NCOR1: variants seen among roughly 807,000 people sequenced by gnomAD.
NCOR1 encodes nuclear receptor corepressor 1.
In NCOR1, 63 loss-of-function variants were observed where a neutral mutation model predicts 288.1. The observed-to-expected ratio is 0.22, with a 90% CI of 0.18 to 0.27. NCOR1 has a LOEUF of 0.27. Among genes scored for constraint, NCOR1 ranks in the 10% least tolerant of loss-of-function variants. NCOR1 has a pLI of 1.00. For missense variants in NCOR1, 2,397 were observed against 3,019.2 expected (o/e 0.79, Z 4.83); for synonymous variants, 1,007 against 1,065.9 (o/e 0.94, Z 1.08).
chr17:16,127,701 A>G lies in NCOR1; in HGVS notation c.1510-1495T>C, dbSNP rs146941361. On this transcript the variant is annotated intron_variant, in intron 14 of 45. Coordinates refer to ENST00000268712, the MANE Select transcript of NCOR1 (RefSeq NM_006311.4). Reference sequence around the variant, plus strand: ...TGTATGTGTATATATACATATATGTATATATGTGTGTGTATATATACATAT... The same window carrying G: ...TGTATGTGTATATATACATATATGTGTATATGTGTGTGTATATATACATAT... Among the ~76,000 whole-genome samples, 18 of 133,692 alleles carry G rather than the reference A, an allele frequency of 1.3e-4. 1 individual carries two copies. Among genetic ancestry groups the G allele is most frequent in the Admixed American group, 7.7e-4 (10 of 13,052 alleles). The allele number at this position is 133,692 out of a possible 152,430, so 87.7% of individuals were successfully genotyped here.
intron 23 of NCOR1, among the ~76,000 whole-genome samples, chr17:16,083,676 A>G (rs576153771): frequency 1.3e-5 from 2 of 151,140 alleles, no homozygotes; most frequent in South Asian, 4.2e-4. Flanking sequence ...ATAGTTCCCT[A>G]TGCTCGCCTT....
chr17:16,126,003 G>A (rs2073976054), intron 15 of NCOR1, 79 bp downstream of exon 15: 3 of 741,888 alleles, frequency 4.0e-6, no homozygotes, highest in East Asian at 3.1e-5. Context: ...TGTGACAACT[G>A]TACTCCCTAT....
intron 1 of NCOR1, among the ~76,000 whole-genome samples, chr17:16,207,507 C>T (rs1172699728): frequency 2.6e-5 from 4 of 151,944 alleles, no homozygotes; most frequent in East Asian, 1.9e-4. Flanking sequence ...TTTGGGAGGC[C>T]GAGGCAGGCG....
intron 3 of NCOR1, among the ~76,000 whole-genome samples, chr17:16,185,993 A>C (rs2086603882): frequency 6.6e-6 from 1 of 152,174 alleles, no homozygotes; most frequent in Non-Finnish European, 1.5e-5. Flanking sequence ...GAAGTAAAAG[A>C]AAGCAGAGAT....
chr17:16,188,324 T>G (rs1209438735), intron 2 of NCOR1, among the ~76,000 whole-genome samples: 1 of 152,048 alleles, frequency 6.6e-6, no homozygotes, highest in East Asian at 1.9e-4. Flanking sequence ...TTTAAAAAAC[T>G]TTTTCAGCCT....
chr17:16,037,178 C>G (rs763213524), intron 44 of NCOR1, among the ~76,000 whole-genome samples: 8 of 152,092 alleles, frequency 5.3e-5, no homozygotes, highest in Non-Finnish European at 7.4e-5. Context: ...GGACACACAC[C>G]ACCTTTATGG....
At chr17:16,183,677 C>T (rs1342816387) in intron 3 of NCOR1, among the ~76,000 whole-genome samples, 1 of 152,048 alleles carries the variant, frequency 6.6e-6, no homozygotes, top group Admixed American at 6.6e-5. Flanking sequence ...ATATACAGTA[C>T]AGATTCAACA....
intron 3 of NCOR1, among the ~76,000 whole-genome samples, chr17:16,178,836 G>A (rs1724547729): frequency 6.6e-6 from 1 of 152,160 alleles, no homozygotes; most frequent in African/African-American, 2.4e-5. Context: ...TGGGAGTGGT[G>A]GCTCACGCCT....
At position 16,092,021 on chromosome 17, in the gene NCOR1, G is replaced by A. The variant is rs1359076781; in HGVS notation, c.2858C>T (p.Pro953Leu). The A allele has an allele frequency of 6.2e-7, 1 of 1,613,954 alleles. No homozygotes were observed. The highest frequency in any genetic ancestry group is 8.5e-7 in the Non-Finnish European group (1 of 1,180,030). The change falls in exon 22 of 46, where the codon CCA becomes CTA. Residue 953 changes from proline (P) to leucine (L), a missense_variant. Physicochemically the swap from Pro to Leu is moderately conservative, Grantham distance 98. This residue lies in a region of NCOR1 where 1,872 missense variants were observed against 2,187.8 expected (regional missense o/e 0.86). Coordinates refer to ENST00000268712, the MANE Select transcript of NCOR1 (RefSeq NM_006311.4). ...CTGGTAGAGAGCATAGCCGCTCACT[G>A]GGGTTCCAATTGGTATGTTACATGG... ...CTPCNIPIGT[P>L]VSGYALYQRH...
chr17:16,079,630 G>A lies in NCOR1; in HGVS notation c.3501+334C>T, dbSNP rs543140024. On this transcript the variant is annotated intron_variant, in intron 26 of 45. Transcript: ENST00000268712. ...CAGGGCAAAAGTAAGCAAATAATTC[G>A]TAATGATTTTCTTCTCAATTTCTAT... is the stretch of plus-strand genomic sequence containing the variant. Among the ~76,000 whole-genome samples the A allele has an allele frequency of 2.0e-5, 3 of 152,262 alleles. No individual in the cohort carries two copies. The East Asian group carries it at 5.8e-4, about 29-fold the overall frequency.
intron 21 of NCOR1, 90 bp from the exon 22 acceptor site, chr17:16,092,148 G>T: frequency 1.4e-6 from 2 of 1,417,038 alleles, no homozygotes; most frequent in Non-Finnish European, 1.9e-6. Flanking sequence ...TTTCTGTCAT[G>T]TTATTGGTTG....
intron 22 of NCOR1, among the ~76,000 whole-genome samples, chr17:16,088,278 G>T (rs2064573035): frequency 6.6e-6 from 1 of 152,040 alleles, no homozygotes; most frequent in South Asian, 2.1e-4. Context: ...GAGTTTTCTA[G>T]TTGAGAAATC....
At chr17:16,162,187 G>C (rs1330536435) in intron 5 of NCOR1, among the ~76,000 whole-genome samples, 1 of 151,934 alleles carries the variant, frequency 6.6e-6, no homozygotes, top group Non-Finnish European at 1.5e-5. Context: ...AGACAGATTT[G>C]ACAGCAGATT....
intron 21 of NCOR1, among the ~76,000 whole-genome samples, chr17:16,098,114 G>C (rs1419006731): frequency 1.3e-5 from 2 of 152,222 alleles, no homozygotes; most frequent in Non-Finnish European, 2.9e-5. Flanking sequence ...AGGAGGAAGA[G>C]AGGAGTTGTT....
chr17:16,156,747 T>C (rs2079875416), intron 6 of NCOR1, among the ~76,000 whole-genome samples: 1 of 152,068 alleles, frequency 6.6e-6, no homozygotes, highest in African/African-American at 2.4e-5. Flanking sequence ...GTTTTGCTAA[T>C]GTGCACCAAG....
intron 18 of NCOR1, among the ~76,000 whole-genome samples, chr17:16,115,469 C>T (rs1402791424): frequency 6.6e-6 from 1 of 152,198 alleles, no homozygotes; most frequent in African/African-American, 2.4e-5. Context: ...ATTTTCCAAA[C>T]TTTTATGCTC....
chr17:16,178,548 A>G (rs959378215), intron 3 of NCOR1, among the ~76,000 whole-genome samples: 1 of 151,570 alleles, frequency 6.6e-6, no homozygotes, highest in African/African-American at 2.4e-5. Flanking sequence ...AATGAAATAA[A>G]ATAAAAACTC....
intron 9 of NCOR1, among the ~76,000 whole-genome samples, chr17:16,147,930 G>A (rs941930636): frequency 3.9e-5 from 6 of 152,146 alleles, no homozygotes; most frequent in African/African-American, 1.4e-4. Context: ...TTATTCTCCT[G>A]CCTCAGCCTC....
At chr17:16,186,404 T>C (rs2153526458) in intron 3 of NCOR1, 150 bp downstream of exon 3, 1 of 793,822 alleles carries the variant, frequency 1.3e-6, no homozygotes, top group Non-Finnish European at 1.9e-6. Flanking sequence ...TGTTAACTAT[T>C]GCAACCAACC....
Sources: gnomAD v4.1 joint callset for allele counts (sites outside exome capture counted in the v4.1 genomes callset) on GRCh38, gnomAD v4.1.1 for gene constraint, gnomAD v4.1.1 regional missense constraint, MANE v1.5 for transcripts, NCBI Gene and HGNC (gene_info 2026-07-23, HGNC 2026-07-21) for gene names.